DZANK1: variants seen among roughly 807,000 people sequenced by gnomAD.
DZANK1 encodes the protein double zinc ribbon and ankyrin repeat-containing protein 1.
DZANK1 carries 91 observed loss-of-function variants against 94.5 expected under a neutral mutation model. That is an observed-to-expected ratio of 0.96 (90% CI 0.81 to 1.15). The LOEUF (loss-of-function observed/expected upper bound fraction) is 1.15. Among genes scored for constraint, DZANK1 ranks in the 50% most tolerant of loss-of-function variants. The pLI, the probability that DZANK1 is intolerant of heterozygous loss-of-function variation, is 0.00. For synonymous variants in DZANK1, 312 were observed against 325.3 expected, an observed-to-expected ratio of 0.96 and a Z score of 0.44; for missense variants, 903 against 916.4, an observed-to-expected ratio of 0.99 and a Z score of 0.19.
At chr20:18,442,675 C>G (rs962271809) in intron 8 of DZANK1, among the ~76,000 whole-genome samples, 1 of 152,160 alleles carries the variant, frequency 6.6e-6, no homozygotes, top group African/African-American at 2.4e-5. Flanking sequence ...GTGACTTTTT[C>G]TTAGTAACTA....
chr20:18,444,600 G>GTC (rs762483975), intron 7 of DZANK1, among the ~76,000 whole-genome samples: 24 of 152,108 alleles, frequency 1.6e-4, no homozygotes, highest in Non-Finnish European at 3.1e-4. Flanking sequence ...CAGTCTTCAG[G>GTC]ATTCACACAG....
intron 17 of DZANK1, among the ~76,000 whole-genome samples, 176 bp downstream of exon 17, chr20:18,393,535 A>G (rs2056142032): frequency 6.6e-6 from 1 of 152,240 alleles, no homozygotes; most frequent in South Asian, 2.1e-4. Context: ...AAATAACTCT[A>G]ATTCATAATC....
chr20:18,422,607 T>C lies in DZANK1; in HGVS notation c.954+4460A>G, dbSNP rs192794346. Among the ~76,000 whole-genome samples the C allele has an allele frequency of 1.1e-3, 168 of 152,288 alleles. 2 individuals are homozygous for C. Among genetic ancestry groups the C allele is most frequent in the African/African-American group, 3.7e-3 (155 of 41,568 alleles). On this transcript the variant is annotated intron_variant, in intron 10 of 20. Coordinates refer to ENST00000262547, the Ensembl canonical transcript of DZANK1. ...CTTCAGGCCATTTGTATAACGTGTA[T>C]AAGAAACATAAAGAATTTCATGTTT...
intron 13 of DZANK1, among the ~76,000 whole-genome samples, chr20:18,400,875 AT>A (rs1160293040): frequency 6.6e-6 from 1 of 152,232 alleles, no homozygotes; most frequent in Non-Finnish European, 1.5e-5. Context: ...AAATAAATAA[AT>A]ACGTATGTAG....
intron 14 of DZANK1, among the ~76,000 whole-genome samples, chr20:18,397,215 G>A (rs1296771739): frequency 6.6e-6 from 1 of 152,182 alleles, no homozygotes; most frequent in African/African-American, 2.4e-5. Context: ...CTCTGGATTA[G>A]GCTGAAGAAA....
At chr20:18,449,035 C>G in exon 7 of DZANK1, 1 of 1,613,872 alleles carries the variant, frequency 6.2e-7, no homozygotes, top group Non-Finnish European at 8.5e-7. Flanking sequence ...GCTTGTCAAA[C>G]ACTTCTGACC....
At chr20:18,401,937 G>A (rs2056704836) in intron 13 of DZANK1, among the ~76,000 whole-genome samples, 1 of 152,174 alleles carries the variant, frequency 6.6e-6, no homozygotes, top group South Asian at 2.1e-4. Context: ...GGACAGGAGG[G>A]ATGTGAGGAG....
chr20:18,412,846 C>T, intron 12 of DZANK1: 1 of 1,613,766 alleles, frequency 6.2e-7, no homozygotes. Flanking sequence ...CTGCCAGGCA[C>T]ATCGGGGCCA....
intron 7 of DZANK1, among the ~76,000 whole-genome samples, chr20:18,446,086 A>T (rs1306068413): frequency 6.6e-6 from 1 of 151,894 alleles, no homozygotes; most frequent in Non-Finnish European, 1.5e-5. Flanking sequence ...AAAGAAAAAA[A>T]GTTTTTTAAT....
exon 7 of DZANK1, chr20:18,449,062 C>T (rs763918953): frequency 1.2e-6 from 2 of 1,613,510 alleles, no homozygotes; most frequent in East Asian, 2.2e-5. Context: ...GTGTGCAAAA[C>T]CGGGGGACTA....
At chr20:18,448,717 A>G (rs1005900004) in intron 7 of DZANK1, among the ~76,000 whole-genome samples, 1 of 151,902 alleles carries the variant, frequency 6.6e-6, no homozygotes, top group African/African-American at 2.4e-5. Flanking sequence ...AAACACAAAA[A>G]TTAGCTGGGC....
intron 2 of DZANK1, among the ~76,000 whole-genome samples, chr20:18,464,124 A>G (rs1004577446): frequency 8.1e-5 from 12 of 148,658 alleles, no homozygotes; most frequent in African/African-American, 3.0e-4. Context: ...CCCAGGCTGG[A>G]GTACAGTGGC....
chr20:18,466,244 C>T (rs1409779382), intron 1 of DZANK1, among the ~76,000 whole-genome samples: 2 of 152,198 alleles, frequency 1.3e-5, no homozygotes, highest in East Asian at 1.9e-4. Context: ...TTATAGTCTA[C>T]TTCTTGCATT....
intron 9 of DZANK1, among the ~76,000 whole-genome samples, chr20:18,428,229 C>G (rs569140509): frequency 4.6e-5 from 7 of 151,214 alleles, no homozygotes; most frequent in African/African-American, 1.7e-4. Flanking sequence ...CCTTCTGTCA[C>G]CCAGGCTGGC....
intron 10 of DZANK1, chr20:18,420,942 T>G (rs2057750278): frequency 6.4e-6 from 1 of 155,686 alleles, no homozygotes; most frequent in Admixed American, 6.5e-5. Flanking sequence ...AATGACCCAA[T>G]GCCCATCACT....
At chr20:18,448,634 C>A (rs1196776195) in intron 7 of DZANK1, among the ~76,000 whole-genome samples, 4 of 151,844 alleles carry the variant, frequency 2.6e-5, no homozygotes. Context: ...TTTGGGAGAC[C>A]GAGGTGGGCA....
chr20:18,390,571 T>C (rs1228533926), intron 17 of DZANK1, 112 bp from the exon 18 acceptor site: 3 of 939,088 alleles, frequency 3.2e-6, no homozygotes, highest in Non-Finnish European at 3.4e-6. Flanking sequence ...ACTATGAGTG[T>C]GTGCATGTGT....
At chr20:18,456,159 G>A (rs1457430268) in intron 3 of DZANK1, among the ~76,000 whole-genome samples, 9 of 152,172 alleles carry the variant, frequency 5.9e-5, no homozygotes, top group African/African-American at 2.2e-4. Flanking sequence ...GTGTTGCCTA[G>A]GTCATTCCAC....
intron 3 of DZANK1, among the ~76,000 whole-genome samples, chr20:18,456,682 C>T (rs903203228): frequency 7.0e-6 from 1 of 143,676 alleles, no homozygotes. Context: ...GGTCATCTTA[C>T]GTGTCTGGAT....
Sources: gnomAD v4.1 joint callset for allele counts (sites outside exome capture counted in the v4.1 genomes callset) on GRCh38, gnomAD v4.1.1 for gene constraint, MANE v1.5 for transcripts, NCBI Gene and HGNC (gene_info 2026-07-23, HGNC 2026-07-21) for gene names.